The following CTNNA3 variants were observed in gnomAD, a reference collection of about 807,000 sequenced individuals.
The protein encoded by CTNNA3 is catenin alpha-3.
A neutral mutation model predicts 95.7 loss-of-function variants in CTNNA3; 76 were observed. The ratio of observed to expected loss-of-function variants is 0.79; its 90% CI spans 0.66 to 0.96. CTNNA3 has a LOEUF of 0.96. CTNNA3 is among the 40% of genes least tolerant of loss of function. The pLI is 0.00. For missense variants in CTNNA3, 1,191 were observed against 1,089.8 expected, an observed-to-expected ratio of 1.09 and a Z score of -1.31; for synonymous variants, 431 against 374.4, an observed-to-expected ratio of 1.15 and a Z score of -1.74.
chr10:66,404,568 T>G (rs1263562565), intron 11 of CTNNA3, among the ~76,000 whole-genome samples: 1 of 152,172 alleles, frequency 6.6e-6, no homozygotes, highest in South Asian at 2.1e-4. Context: ...GAAAGAGATA[T>G]TAAATTAAAT....
chr10:66,177,800 T>C (rs1564732924), intron 13 of CTNNA3, among the ~76,000 whole-genome samples: 1 of 152,104 alleles, frequency 6.6e-6, no homozygotes, highest in Non-Finnish European at 1.5e-5. Context: ...AGAACATCGA[T>C]GGGTAACTAA....
intron 5 of CTNNA3, among the ~76,000 whole-genome samples, chr10:67,402,712 C>T (rs1844968926): frequency 6.6e-6 from 1 of 152,162 alleles, no homozygotes; most frequent in Non-Finnish European, 1.5e-5. Flanking sequence ...TTGCAACCCT[C>T]AGATCAGGAG....
Position 66,563,704 on chromosome 10 carries a change from G to T in CTNNA3, c.1375-42931C>A, listed in dbSNP as rs548919918. On this transcript the variant is annotated intron_variant, in intron 10 of 17. Coordinates refer to ENST00000433211, the MANE Select transcript of CTNNA3 (RefSeq NM_013266.4). ...CAATTTGCCCACAAGGAAATTCCTTGTGGACAAAGGACAGACAGAACTAAG... is the reference window on the plus strand; with the variant it reads ...CAATTTGCCCACAAGGAAATTCCTTTTGGACAAAGGACAGACAGAACTAAG... Among the ~76,000 whole-genome samples, 4 of 152,124 alleles carry T rather than the reference G, an allele frequency of 2.6e-5. No homozygotes were observed. In the South Asian group the frequency reaches 8.3e-4, roughly 32 times the overall value.
At chr10:66,358,747 T>G (rs2092630658) in intron 12 of CTNNA3, among the ~76,000 whole-genome samples, 1 of 152,216 alleles carries the variant, frequency 6.6e-6, no homozygotes, top group African/African-American at 2.4e-5. Context: ...TTGTCTCTAA[T>G]TACATCATAA....
intron 11 of CTNNA3, among the ~76,000 whole-genome samples, chr10:66,467,072 T>C (rs146417901): frequency 4.6e-5 from 7 of 152,056 alleles, no homozygotes; most frequent in African/African-American, 1.7e-4. Context: ...AAGAAATAAA[T>C]GTCAGGCTTG....
intron 5 of CTNNA3, among the ~76,000 whole-genome samples, chr10:67,494,295 A>G (rs1838956382): frequency 6.6e-6 from 1 of 152,218 alleles, no homozygotes; most frequent in African/African-American, 2.4e-5. Flanking sequence ...TCACTGTACT[A>G]TTTTGGTTAA....
At chr10:67,704,082 C>A (rs1327114524) in intron 1 of CTNNA3, among the ~76,000 whole-genome samples, 1 of 152,098 alleles carries the variant, frequency 6.6e-6, no homozygotes, top group East Asian at 1.9e-4. Context: ...ATGTGAAGGA[C>A]CTCCTCAAGG....
At chr10:67,044,500 T>C (rs979973287) in intron 7 of CTNNA3, among the ~76,000 whole-genome samples, 1 of 152,194 alleles carries the variant, frequency 6.6e-6, no homozygotes, top group Non-Finnish European at 1.5e-5. Flanking sequence ...AAGATCACTT[T>C]TGATGCTATC....
chr10:66,175,601 C>T (rs2085665463), intron 13 of CTNNA3, among the ~76,000 whole-genome samples: 1 of 152,142 alleles, frequency 6.6e-6, no homozygotes, highest in African/African-American at 2.4e-5. Context: ...TTGGTGGAAA[C>T]ACCAGCTATT....
intron 7 of CTNNA3, among the ~76,000 whole-genome samples, chr10:66,940,033 T>C (rs1198882635): frequency 6.6e-6 from 1 of 152,184 alleles, no homozygotes; most frequent in Non-Finnish European, 1.5e-5. Flanking sequence ...TTTCATTCTT[T>C]TTAAAGAGGA....
intron 12 of CTNNA3, among the ~76,000 whole-genome samples, chr10:66,342,724 GA>G (rs2132358293): frequency 6.6e-6 from 1 of 152,034 alleles, no homozygotes; most frequent in South Asian, 2.1e-4. Context: ...TCACTAAGAG[GA>G]ATGGACTACT....
chr10:67,727,092 T>G (rs1199592313), intron 1 of CTNNA3, among the ~76,000 whole-genome samples: 2 of 117,890 alleles, frequency 1.7e-5, no homozygotes, highest in Admixed American at 2.0e-4. Context: ...ATGATATAAT[T>G]ATATATAATA....
chr10:67,059,138 G>A lies in CTNNA3; in HGVS notation c.1047+121179C>T, dbSNP rs145763204. Among the ~76,000 whole-genome samples, 7 of 152,210 alleles carry A rather than the reference G, an allele frequency of 4.6e-5. No homozygotes were observed. In the East Asian group the frequency reaches 1.4e-3, roughly 29 times the overall value. On this transcript the variant is annotated intron_variant, in intron 7 of 17. Transcript: ENST00000433211. Reference sequence around the variant, plus strand: ...TCATAATTATCTTGGTCTCCATGCAGTCTAATTTCAGAGTTCTAGTAACAA... The same window carrying A: ...TCATAATTATCTTGGTCTCCATGCAATCTAATTTCAGAGTTCTAGTAACAA...
intron 7 of CTNNA3, among the ~76,000 whole-genome samples, chr10:66,892,777 A>C (rs966512727): frequency 2.0e-5 from 3 of 152,166 alleles, no homozygotes; most frequent in African/African-American, 7.2e-5. Flanking sequence ...AATATGATCA[A>C]CTGATTTAAA....
intron 5 of CTNNA3, among the ~76,000 whole-genome samples, chr10:67,254,566 G>A (rs1256693186): frequency 6.6e-6 from 1 of 152,106 alleles, no homozygotes; most frequent in Non-Finnish European, 1.5e-5. Context: ...TCTATTAACA[G>A]GTCTCTCAAG....
chr10:66,657,688 T>C (rs74704892), intron 9 of CTNNA3, among the ~76,000 whole-genome samples: 7,942 of 152,292 alleles, frequency 0.052, 356 homozygotes, highest in East Asian at 0.078. Flanking sequence ...ATTTTTATTT[T>C]ATTAATTGAG....
chr10:67,750,580 T>C (rs879086046), intron 1 of CTNNA3: 3 of 1,573,992 alleles, frequency 1.9e-6, no homozygotes, highest in Non-Finnish European at 2.6e-6. Flanking sequence ...CCCTCAAGGA[T>C]CTGAAGCTGA....
chr10:65,974,991 C>T (rs1425203471), intron 16 of CTNNA3, among the ~76,000 whole-genome samples: 1 of 152,048 alleles, frequency 6.6e-6, no homozygotes, highest in East Asian at 1.9e-4. Flanking sequence ...TGCATTTCTG[C>T]TTTTATTCAG....
intron 10 of CTNNA3, among the ~76,000 whole-genome samples, chr10:66,600,992 T>A (rs1291550554): frequency 6.6e-6 from 1 of 151,926 alleles, no homozygotes; most frequent in African/African-American, 2.4e-5. Context: ...AAAGCATTTT[T>A]TTTTGTTCTT....
Sources: gnomAD v4.1 joint callset for allele counts (sites outside exome capture counted in the v4.1 genomes callset) on GRCh38, gnomAD v4.1.1 for gene constraint, MANE v1.5 for transcripts, NCBI Gene and HGNC (gene_info 2026-07-23, HGNC 2026-07-21) for gene names.